The following B3GLCT variants were observed in gnomAD, a reference collection of about 807,000 sequenced individuals.
B3GLCT encodes the protein beta-1,3-glucosyltransferase.
A neutral mutation model predicts 63.4 loss-of-function variants in B3GLCT; 65 were observed. That is an observed-to-expected ratio of 1.03 (90% CI 0.84 to 1.26). B3GLCT has a LOEUF of 1.26. Among genes scored for constraint, B3GLCT ranks in the 50% most tolerant of loss-of-function variants. B3GLCT has a pLI of 0.00. For missense variants in B3GLCT, 577 were observed against 604.8 expected (o/e 0.95, Z 0.48); for synonymous variants, 233 against 219.2 (o/e 1.06, Z -0.55).
intron 7 of B3GLCT, among the ~76,000 whole-genome samples, chr13:31,265,769 C>G (rs979528386): frequency 6.6e-6 from 1 of 152,144 alleles, no homozygotes; most frequent in African/African-American, 2.4e-5. Context: ...CAAACCTTAT[C>G]GAGATTTCCT....
chr13:31,272,836 T>C (rs1456913950), intron 8 of B3GLCT, among the ~76,000 whole-genome samples: 1 of 152,182 alleles, frequency 6.6e-6, no homozygotes, highest in African/African-American at 2.4e-5. Flanking sequence ...TATTAACTCA[T>C]CATATATTTG....
At chr13:31,283,161 TTGCACAGCC>T (rs1427604054) in intron 10 of B3GLCT, 2 of 152,216 alleles carry the variant, frequency 1.3e-5, no homozygotes, top group Non-Finnish European at 2.9e-5. Flanking sequence ...AAAGCAAAAT[TTGCACAGCC>T]TGCAGGACCC....
At chr13:31,290,380 A>G (rs887833167) in intron 12 of B3GLCT, among the ~76,000 whole-genome samples, 2 of 152,182 alleles carry the variant, frequency 1.3e-5, no homozygotes, top group Non-Finnish European at 2.9e-5. Flanking sequence ...TATATACCCA[A>G]TAATGGGATT....
chr13:31,208,870 G>A (rs907108679), intron 1 of B3GLCT, among the ~76,000 whole-genome samples: 16 of 151,856 alleles, frequency 1.1e-4, no homozygotes, highest in African/African-American at 3.4e-4. Flanking sequence ...ATGGCCCCTG[G>A]TACCTTCAGC....
intron 4 of B3GLCT, among the ~76,000 whole-genome samples, chr13:31,240,770 T>G (rs1156995031): frequency 6.6e-6 from 1 of 152,194 alleles, no homozygotes; most frequent in Non-Finnish European, 1.5e-5. Flanking sequence ...GTTAATTTTA[T>G]TTTTAGAAAT....
intron 1 of B3GLCT, among the ~76,000 whole-genome samples, chr13:31,206,797 T>G (rs1868981589): frequency 1.3e-5 from 2 of 152,082 alleles, no homozygotes; most frequent in Admixed American, 6.5e-5. Flanking sequence ...AAGGAGTTGT[T>G]CTGGAGAGAG....
At chr13:31,308,819 T>G (rs1874548138) in intron 12 of B3GLCT, among the ~76,000 whole-genome samples, 3 of 152,224 alleles carry the variant, frequency 2.0e-5, no homozygotes, top group African/African-American at 7.2e-5. Flanking sequence ...AGGTACTTTC[T>G]GTTGTTCCTG....
chr13:31,297,770 C>A (rs1045243585), intron 12 of B3GLCT, among the ~76,000 whole-genome samples: 70 of 152,158 alleles, frequency 4.6e-4, no homozygotes, highest in African/African-American at 1.7e-3. Context: ...GGGGTTCTTA[C>A]AACCTCCTCT....
At chr13:31,279,617 C>T (rs555247891) in intron 10 of B3GLCT, among the ~76,000 whole-genome samples, 4 of 152,052 alleles carry the variant, frequency 2.6e-5, no homozygotes, top group Admixed American at 2.0e-4. Context: ...GGAGGCAGGG[C>T]GAGATCACAG....
chr13:31,254,216 CACA>C (rs754599660), intron 6 of B3GLCT, among the ~76,000 whole-genome samples: 6 of 152,234 alleles, frequency 3.9e-5, no homozygotes, highest in African/African-American at 1.4e-4. Context: ...CTGGCAGAGA[CACA>C]ACAATAAAAA....
At chr13:31,321,489 A>T (rs1376469817) in intron 13 of B3GLCT, among the ~76,000 whole-genome samples, 1 of 152,262 alleles carries the variant, frequency 6.6e-6, no homozygotes, top group Non-Finnish European at 1.5e-5. Flanking sequence ...ATTCCATGTC[A>T]TAAGGGTAAG....
chr13:31,222,501 C>A (rs1869864709), intron 2 of B3GLCT, among the ~76,000 whole-genome samples: 2 of 152,026 alleles, frequency 1.3e-5, no homozygotes, highest in African/African-American at 4.8e-5. Context: ...ATGACTGCAC[C>A]CAAAAGATGA....
chr13:31,266,991 G>A lies in B3GLCT; in HGVS notation c.597-2223G>A, dbSNP rs1593285102. Among the ~76,000 whole-genome samples, 13 of 152,084 alleles carry A rather than the reference G, an allele frequency of 8.5e-5. No homozygotes were observed. The South Asian group carries it at 2.7e-3, about 32-fold the overall frequency. On this transcript the variant is annotated intron_variant, in intron 7 of 14. Transcript: ENST00000343307. Reference sequence around the variant, plus strand: ...TCACCTTGTTGGCCAGGCTGGTCTTGAACTCCTGACCTCAGATGATCCCCA... The same window carrying A: ...TCACCTTGTTGGCCAGGCTGGTCTTAAACTCCTGACCTCAGATGATCCCCA...
At chr13:31,201,280 T>A (rs1458122280) in intron 1 of B3GLCT, among the ~76,000 whole-genome samples, 1 of 152,242 alleles carries the variant, frequency 6.6e-6, no homozygotes, top group Non-Finnish European at 1.5e-5. Flanking sequence ...TTAAGCTCTC[T>A]GAATAAGGAT....
At chr13:31,244,562 A>C (rs1871108340) in intron 4 of B3GLCT, among the ~76,000 whole-genome samples, 1 of 152,172 alleles carries the variant, frequency 6.6e-6, no homozygotes, top group African/African-American at 2.4e-5. Flanking sequence ...CTTTAAGGAG[A>C]TCTAAATCTT....
At chr13:31,313,147 C>G (rs922315006) in intron 12 of B3GLCT, among the ~76,000 whole-genome samples, 6 of 152,182 alleles carry the variant, frequency 3.9e-5, no homozygotes, top group Non-Finnish European at 5.9e-5. Context: ...TTTTATAAGA[C>G]TCATGAGTGG....
chr13:31,292,449 T>G (rs187305187), intron 12 of B3GLCT, among the ~76,000 whole-genome samples: 5 of 152,166 alleles, frequency 3.3e-5, no homozygotes, highest in Non-Finnish European at 5.9e-5. Flanking sequence ...CTGGGCTTTG[T>G]TTGGTTGGTA....
chr13:31,226,491 G>A (rs1870109086), intron 3 of B3GLCT, among the ~76,000 whole-genome samples: 1 of 152,264 alleles, frequency 6.6e-6, no homozygotes, highest in Admixed American at 6.5e-5. Context: ...TCCCTGTATG[G>A]AAATGCTGTT....
intron 12 of B3GLCT, among the ~76,000 whole-genome samples, chr13:31,291,111 A>C (rs1202789913): frequency 6.6e-6 from 1 of 152,098 alleles, no homozygotes; most frequent in Non-Finnish European, 1.5e-5. Flanking sequence ...TCCTTTCCCC[A>C]TTGCTTGTTT....
Sources: allele counts gnomAD v4.1 joint callset (sites outside exome capture counted in the v4.1 genomes callset), GRCh38; gene constraint gnomAD v4.1.1; transcripts MANE v1.5; gene names NCBI Gene and HGNC (gene_info 2026-07-23, HGNC 2026-07-21).